The following SYNE1 variants were observed in gnomAD, a reference collection of about 807,000 sequenced individuals.
SYNE1 encodes the protein spectrin repeat containing nuclear envelope protein 1.
In SYNE1, 616 loss-of-function variants were observed where a neutral mutation model predicts 1,111.0. The ratio of observed to expected loss-of-function variants is 0.55; its 90% CI spans 0.52 to 0.59. The LOEUF (loss-of-function observed/expected upper bound fraction) is 0.59, where lower values mean the gene tolerates loss of function less well. Among genes scored for constraint, SYNE1 ranks in the 20% least tolerant of loss-of-function variants. SYNE1 has a pLI of 0.00. For missense variants in SYNE1, 10,006 were observed against 10,417.0 expected, an observed-to-expected ratio of 0.96 and a Z score of 1.72; for synonymous variants, 3,855 against 3,825.8, an observed-to-expected ratio of 1.01 and a Z score of -0.28.
chr6:152,505,477 A>G, intron 8 of SYNE1, 80 bp from the exon 9 acceptor site: 3 of 1,477,918 alleles, frequency 2.0e-6, no homozygotes, highest in Non-Finnish European at 9.4e-7. Flanking sequence ...TGCAAAATCC[A>G]GTGCTTTTCA....
At chr6:152,247,026 G>A (rs776064968) in intron 105 of SYNE1, among the ~76,000 whole-genome samples, 13 of 152,168 alleles carry the variant, frequency 8.5e-5, no homozygotes, top group African/African-American at 1.9e-4. Context: ...ATGCACTAAC[G>A]AAACAAGGAA....
At chr6:152,425,662 C>A (rs1039496095) in intron 38 of SYNE1, 115 bp from the exon 39 acceptor site, 4 of 1,203,972 alleles carry the variant, frequency 3.3e-6, no homozygotes, top group Admixed American at 3.6e-5. Context: ...GCAAGTCATT[C>A]GGGACAGGCT....
intron 87 of SYNE1, among the ~76,000 whole-genome samples, chr6:152,313,663 T>TA (rs1265302991): frequency 2.0e-5 from 3 of 151,986 alleles, no homozygotes; most frequent in African/African-American, 4.8e-5. Context: ...GGGGTTTCAC[T>TA]ATGTTGGCCA....
chr6:152,164,812 G>C (rs1262942286), intron 130 of SYNE1, among the ~76,000 whole-genome samples: 2 of 152,164 alleles, frequency 1.3e-5, no homozygotes, highest in Non-Finnish European at 2.9e-5. Flanking sequence ...TAGACTATGA[G>C]TCTCGCCTTT....
chr6:152,296,816 A>T (rs1353240939), intron 93 of SYNE1, among the ~76,000 whole-genome samples: 1 of 151,604 alleles, frequency 6.6e-6, no homozygotes, highest in African/African-American at 2.4e-5. Flanking sequence ...CTAACAGAGG[A>T]GACATTGCCT....
chr6:152,266,476 C>T (rs1311710252), intron 100 of SYNE1, among the ~76,000 whole-genome samples: 1 of 152,168 alleles, frequency 6.6e-6, no homozygotes. Flanking sequence ...AAGAAACAGT[C>T]TCACTTCGGG....
At position 152,399,818 on chromosome 6, in the gene SYNE1, T is replaced by A; in HGVS notation, c.7035A>T (p.Ile2345=). Reference sequence around the variant, plus strand: ...TTTGTTGACTTTGAAGTTCTTTTTGTATATCCTACAGAATAAAAGTATATT... The same window carrying A: ...TTTGTTGACTTTGAAGTTCTTTTTGAATATCCTACAGAATAAAAGTATATT... ...TCEALKKVKD[I]QKELQSQQSN... is the part of the protein sequence containing the mutation. Residue 2345 remains isoleucine (I), a synonymous_variant, in exon 48 of 146, where the codon ATA becomes ATT. Transcript: ENST00000367255. The A allele has an allele frequency of 1.2e-6, 2 of 1,613,944 alleles. No homozygotes were observed. The highest frequency in any genetic ancestry group is 1.7e-6 in the Non-Finnish European group (2 of 1,179,830).
chr6:152,422,914 T>C (rs1281017358), intron 39 of SYNE1, among the ~76,000 whole-genome samples: 1 of 152,210 alleles, frequency 6.6e-6, no homozygotes, highest in East Asian at 1.9e-4. Flanking sequence ...CTGAAGGAAA[T>C]CAAAATATTT....
intron 55 of SYNE1, among the ~76,000 whole-genome samples, chr6:152,382,624 A>G (rs1017744115): frequency 4.6e-5 from 7 of 152,162 alleles, no homozygotes; most frequent in Non-Finnish European, 1.0e-4. Context: ...AAAAACCATC[A>G]CTGTTTATTA....
At chr6:152,610,536 G>A (rs1260260410) in intron 3 of SYNE1, among the ~76,000 whole-genome samples, 1 of 152,238 alleles carries the variant, frequency 6.6e-6, no homozygotes, top group African/African-American at 2.4e-5. Flanking sequence ...ACCTGAAAGT[G>A]ATGGGGAGAA....
chr6:152,591,347 A>G (rs1029828067), intron 3 of SYNE1, among the ~76,000 whole-genome samples: 3 of 152,200 alleles, frequency 2.0e-5, no homozygotes, highest in Non-Finnish European at 4.4e-5. Flanking sequence ...AAATTTAGAA[A>G]TAAAGCCACA....
At chr6:152,182,071 A>G (rs2068229364) in intron 128 of SYNE1, among the ~76,000 whole-genome samples, 2 of 152,170 alleles carry the variant, frequency 1.3e-5, no homozygotes, top group Non-Finnish European at 2.9e-5. Flanking sequence ...TATCTACTCA[A>G]ATCCGTTGCC....
At chr6:152,266,713 C>A (rs1254149362) in intron 100 of SYNE1, among the ~76,000 whole-genome samples, 1 of 152,096 alleles carries the variant, frequency 6.6e-6, no homozygotes, top group African/African-American at 2.4e-5. Flanking sequence ...TTTTCCTTTT[C>A]TTGAATGCCT....
At chr6:152,244,787 T>C in intron 105 of SYNE1, 131 bp from the exon 106 acceptor site, 1 of 1,277,510 alleles carries the variant, frequency 7.8e-7, no homozygotes. Flanking sequence ...AAAGGAATCA[T>C]TTCAATAAAA....
chr6:152,573,779 T>C (rs962599634), intron 3 of SYNE1, among the ~76,000 whole-genome samples: 2 of 152,138 alleles, frequency 1.3e-5, no homozygotes, highest in Admixed American at 6.5e-5. Context: ...TTTAAAACTT[T>C]GAAGAAAATG....
At chr6:152,263,764 C>T (rs1413507317) in intron 100 of SYNE1, among the ~76,000 whole-genome samples, 2 of 151,820 alleles carry the variant, frequency 1.3e-5, no homozygotes, top group Admixed American at 1.3e-4. Context: ...ATCTGTGACA[C>T]TGGGGTAATT....
intron 55 of SYNE1, among the ~76,000 whole-genome samples, chr6:152,381,946 C>G (rs2097425286): frequency 6.6e-6 from 1 of 152,116 alleles, no homozygotes; most frequent in South Asian, 2.1e-4. Flanking sequence ...GACTGACTTA[C>G]TCAAAAGTTT....
intron 124 of SYNE1, among the ~76,000 whole-genome samples, chr6:152,211,126 T>G (rs536741967): frequency 6.6e-6 from 1 of 152,294 alleles, no homozygotes; most frequent in Admixed American, 6.5e-5. Flanking sequence ...TATGCTCCTT[T>G]TACAAAAAAA....
intron 128 of SYNE1, among the ~76,000 whole-genome samples, chr6:152,187,220 A>G (rs1357404201): frequency 1.3e-5 from 2 of 152,186 alleles, no homozygotes; most frequent in Admixed American, 6.5e-5. Context: ...CTGCTCACAC[A>G]TCTACCATGT....
Sources: allele counts gnomAD v4.1 joint callset (sites outside exome capture counted in the v4.1 genomes callset), GRCh38; gene constraint gnomAD v4.1.1; transcripts MANE v1.5; gene names NCBI Gene and HGNC (gene_info 2026-07-23, HGNC 2026-07-21).